PIK3C2G: variants seen among roughly 807,000 people sequenced by gnomAD.
PIK3C2G encodes the protein phosphatidylinositol 3-kinase C2 domain-containing subunit gamma.
Under a neutral mutation model 181.1 loss-of-function variants are expected in PIK3C2G, and 168 were observed. That is an observed-to-expected ratio of 0.93 (90% CI 0.82 to 1.05). The LOEUF is 1.05. PIK3C2G is among the 50% of genes least tolerant of loss of function. The pLI is 0.00. For synonymous variants in PIK3C2G, 573 were observed against 592.2 expected (o/e 0.97, Z 0.47); for missense variants, 1,869 against 1,732.8 (o/e 1.08, Z -1.40).
intron 31 of PIK3C2G, among the ~76,000 whole-genome samples, chr12:18,619,153 A>G (rs1192854849): frequency 6.6e-6 from 1 of 151,786 alleles, no homozygotes; most frequent in Non-Finnish European, 1.5e-5. Context: ...ATCTAAAAAT[A>G]TCTTGAAACA....
intron 30 of PIK3C2G, 23 bp from the exon 31 acceptor site, chr12:18,609,512 C>T (rs559227708): frequency 6.9e-7 from 1 of 1,443,152 alleles, no homozygotes; most frequent in East Asian, 2.4e-5. Flanking sequence ...ACTGAACTCA[C>T]TGAAATTCTA....
At chr12:18,465,294 C>T (rs1937736777) in intron 18 of PIK3C2G, among the ~76,000 whole-genome samples, 3 of 151,814 alleles carry the variant, frequency 2.0e-5, no homozygotes, top group Admixed American at 2.0e-4. Flanking sequence ...TTGTTTCCTA[C>T]TTTATATGTT....
At chr12:18,298,412 T>C (rs1294952503) in intron 5 of PIK3C2G, among the ~76,000 whole-genome samples, 3 of 150,890 alleles carry the variant, frequency 2.0e-5, no homozygotes, top group African/African-American at 7.3e-5. Flanking sequence ...TTTTTTCTTT[T>C]TTTTTTTTTG....
chr12:18,603,357 C>T (rs1947834812), intron 30 of PIK3C2G, among the ~76,000 whole-genome samples: 1 of 151,906 alleles, frequency 6.6e-6, no homozygotes, highest in East Asian at 1.9e-4. Flanking sequence ...ACAAAGCCTC[C>T]AAGAAGTCTG....
At chr12:18,520,387 C>G (rs1179824226) in intron 24 of PIK3C2G, among the ~76,000 whole-genome samples, 4 of 152,012 alleles carry the variant, frequency 2.6e-5, no homozygotes, top group Admixed American at 2.6e-4. Context: ...TTTACATAGT[C>G]CCATATTTCT....
chr12:18,522,006 A>G (rs551834463), intron 24 of PIK3C2G, among the ~76,000 whole-genome samples: 5 of 152,206 alleles, frequency 3.3e-5, no homozygotes, highest in Admixed American at 3.3e-4. Flanking sequence ...GCCCTGCCCT[A>G]TGTGGCTCTC....
the PIK3C2G span, chr12:18,723,193 A>G: frequency 2.2e-6 from 2 of 889,214 alleles, no homozygotes; most frequent in Admixed American, 2.5e-5. Context: ...GACCCATCCA[A>G]AAACGGTAAT....
At chr12:18,679,674 G>A in the PIK3C2G span, among the ~76,000 whole-genome samples, 1 of 151,888 alleles carries the variant, frequency 6.6e-6, no homozygotes, top group Admixed American at 6.6e-5. Context: ...CACACATTAG[G>A]CCCTGGCTAA....
chr12:18,526,823 C>T (rs192652653), intron 24 of PIK3C2G, among the ~76,000 whole-genome samples: 110 of 152,216 alleles, frequency 7.2e-4, no homozygotes, highest in South Asian at 2.3e-3. Flanking sequence ...TTTGTTTTAT[C>T]GATCTCATCT....
intron 18 of PIK3C2G, chr12:18,425,062 A>G: frequency 5.4e-6 from 1 of 185,576 alleles, no homozygotes; most frequent in Non-Finnish European, 1.2e-5. Context: ...GCAGATATGG[A>G]TGAATCAGAA....
rs1555161401 is a variant in PIK3C2G at position 18,325,097 on chromosome 12, A to G, written c.1271A>G (p.Gln424Arg). 7 of 1,535,114 alleles carry G rather than the reference A, an allele frequency of 4.6e-6. No homozygotes were observed. The highest frequency in any genetic ancestry group is 5.4e-6 in the Non-Finnish European group (6 of 1,111,796). Reference protein sequence around the residue: ...DFHLKYLLKTQENVYNIIEEV... With the variant: ...DFHLKYLLKTRENVYNIIEEV... ...CACCTGAAATACCTATTGAAAACCC[A>G]GGTATTGACTTTTGTTACTTTATCC... is the stretch of plus-strand genomic sequence containing the variant. The change falls in exon 8 of 33, where the codon CAG becomes CGG. Residue 424 changes from glutamine to arginine, a missense_variant and splice_region_variant. Physicochemically the swap from Gln to Arg is conservative, Grantham distance 43 (BLOSUM62 1). Transcript: ENST00000538779.
chr12:18,595,757 G>A (rs1453172628), intron 30 of PIK3C2G, among the ~76,000 whole-genome samples: 1 of 152,076 alleles, frequency 6.6e-6, no homozygotes, highest in East Asian at 1.9e-4. Context: ...ATACTCTGCT[G>A]CCACTGTCTT....
At chr12:18,480,976 A>G (rs4411323) in intron 18 of PIK3C2G, among the ~76,000 whole-genome samples, 24,351 of 151,950 alleles carry the variant, frequency 0.16, 2,462 homozygotes, top group South Asian at 0.4. Flanking sequence ...CTCTGTCTCC[A>G]GGCTGGAGTG....
chr12:18,650,321 CTCTCTCTCTCTA>C (rs1167743734), downstream of PIK3C2G, among the ~76,000 whole-genome samples: 2 of 87,760 alleles, frequency 2.3e-5, no homozygotes, highest in African/African-American at 1.2e-4. Flanking sequence ...CTCTCTCTCT[CTCTCTCTCTCTA>C]TATATATATA....
chr12:18,597,871 C>A (rs1301480504), intron 30 of PIK3C2G, among the ~76,000 whole-genome samples: 2 of 151,948 alleles, frequency 1.3e-5, no homozygotes, highest in African/African-American at 4.8e-5. Flanking sequence ...AACAGAGAGC[C>A]AAATCATGAG....
At position 18,293,929 on chromosome 12, in the gene PIK3C2G, A is replaced by G. The variant is rs540054125; in HGVS notation, c.948A>G (p.Ala316=). The change falls in exon 5 of 33, where the codon GCA becomes GCG. Residue 316 remains alanine (A), a synonymous_variant. Transcript: ENST00000538779. ...ATTATCTTGTCAAAGATCTAATTGCAGAAATTCTGCATTTTTGCACAAATG... is the reference window on the plus strand; with the variant it reads ...ATTATCTTGTCAAAGATCTAATTGCGGAAATTCTGCATTTTTGCACAAATG... The part of the protein sequence containing the change: ...CANYLVKDLI[A]EILHFCTNDQ... The G allele has an allele frequency of 3.2e-6, 5 of 1,575,962 alleles. No homozygotes were observed. Among genetic ancestry groups the G allele is most frequent in the Non-Finnish European group, 4.4e-6 (5 of 1,145,406 alleles).
chr12:18,458,407 C>T (rs1210132044), intron 18 of PIK3C2G, among the ~76,000 whole-genome samples: 1 of 152,062 alleles, frequency 6.6e-6, no homozygotes, highest in Non-Finnish European at 1.5e-5. Flanking sequence ...TGCTTAGCAC[C>T]ATGCCTAGTA....
chr12:18,298,200 CTTA>C (rs1950021831), intron 5 of PIK3C2G, among the ~76,000 whole-genome samples: 1 of 151,648 alleles, frequency 6.6e-6, no homozygotes, highest in Non-Finnish European at 1.5e-5. Context: ...TATTTATTTA[CTTA>C]TTTTTATAAC....
At chr12:18,487,742 T>C (rs962448435) in intron 18 of PIK3C2G, among the ~76,000 whole-genome samples, 1 of 152,158 alleles carries the variant, frequency 6.6e-6, no homozygotes, top group Non-Finnish European at 1.5e-5. Context: ...GGGAAGGCTA[T>C]GAGACGTGGA....
Sources: gnomAD v4.1 joint callset for allele counts (sites outside exome capture counted in the v4.1 genomes callset) on GRCh38, gnomAD v4.1.1 for gene constraint, MANE v1.5 for transcripts, NCBI Gene and HGNC (gene_info 2026-07-23, HGNC 2026-07-21) for gene names.